The following QTMAN variants were observed in gnomAD, a reference collection of about 807,000 sequenced individuals.
The protein encoded by QTMAN is tRNA-queuosine alpha-mannosyltransferase.
At chr2:143,959,286 GAC>G in the QTMAN span, among the ~76,000 whole-genome samples, 2 of 151,814 alleles carry the variant, frequency 1.3e-5, no homozygotes, top group African/African-American at 4.8e-5. Context: ...CCATCAGTCT[GAC>G]ATTTTTTATA....
At chr2:144,273,856 C>T in the QTMAN span, among the ~76,000 whole-genome samples, 1 of 152,158 alleles carries the variant, frequency 6.6e-6, no homozygotes, top group African/African-American at 2.4e-5. Flanking sequence ...AAATATATGG[C>T]CGGGCGCGGT....
the QTMAN span, among the ~76,000 whole-genome samples, chr2:144,043,255 T>TGTG: frequency 1.5e-5 from 2 of 137,586 alleles, no homozygotes; most frequent in East Asian, 4.2e-4. Flanking sequence ...GTGTGTGTGT[T>TGTG]TAACCAAGTA....
the QTMAN span, among the ~76,000 whole-genome samples, chr2:144,058,912 G>A: frequency 1.3e-5 from 2 of 152,110 alleles, no homozygotes; most frequent in Non-Finnish European, 2.9e-5. Flanking sequence ...CAGACAATTA[G>A]TGCCTCATTT....
the QTMAN span, among the ~76,000 whole-genome samples, chr2:144,305,280 A>G: frequency 2.0e-5 from 3 of 152,212 alleles, no homozygotes; most frequent in African/African-American, 7.2e-5. Flanking sequence ...ATTTTAATAT[A>G]TAGTACATGA....
chr2:144,009,483 A>C, the QTMAN span, among the ~76,000 whole-genome samples: 1 of 152,146 alleles, frequency 6.6e-6, no homozygotes, highest in Non-Finnish European at 1.5e-5. Flanking sequence ...TACATTCCAG[A>C]ACCAGAAAGC....
chr2:143,975,595 T>A, the QTMAN span, among the ~76,000 whole-genome samples: 3 of 152,256 alleles, frequency 2.0e-5, no homozygotes, highest in African/African-American at 7.2e-5. Flanking sequence ...TCCATCTTCA[T>A]CTTCTTCCAG....
At chr2:144,053,028 T>C in the QTMAN span, among the ~76,000 whole-genome samples, 1 of 152,218 alleles carries the variant, frequency 6.6e-6, no homozygotes, top group Non-Finnish European at 1.5e-5. Context: ...TACATATCGA[T>C]GTCCAAACTG....
the QTMAN span, among the ~76,000 whole-genome samples, chr2:144,032,728 C>T: frequency 6.6e-6 from 1 of 152,180 alleles, no homozygotes; most frequent in Admixed American, 6.5e-5. Flanking sequence ...TTGGCAAAAA[C>T]ACAACATTGG....
chr2:143,970,363 C>T, the QTMAN span, among the ~76,000 whole-genome samples: 1 of 152,210 alleles, frequency 6.6e-6, no homozygotes, highest in African/African-American at 2.4e-5. Context: ...TACAAATTCC[C>T]ACTTTCCTTA....
At chr2:144,127,495 G>T in the QTMAN span, among the ~76,000 whole-genome samples, 1 of 152,020 alleles carries the variant, frequency 6.6e-6, no homozygotes, top group African/African-American at 2.4e-5. Flanking sequence ...GACAAAACAT[G>T]GTAGTGGTAT....
the QTMAN span, among the ~76,000 whole-genome samples, chr2:144,186,795 A>C: frequency 6.6e-6 from 1 of 152,168 alleles, no homozygotes; most frequent in African/African-American, 2.4e-5. Flanking sequence ...CAAATTTGCC[A>C]CATTAGGTTC....
the QTMAN span, among the ~76,000 whole-genome samples, chr2:144,210,586 GT>G: frequency 2.0e-5 from 3 of 152,122 alleles, no homozygotes; most frequent in African/African-American, 7.2e-5. Flanking sequence ...TGAGTAAGAG[GT>G]AAGTTCAGAG....
chr2:144,100,960 C>G, the QTMAN span, among the ~76,000 whole-genome samples: 13 of 149,898 alleles, frequency 8.7e-5, no homozygotes, highest in South Asian at 2.3e-3. Context: ...AGCTCCGCCT[C>G]CCGGGTTGAT....
the QTMAN span, among the ~76,000 whole-genome samples, chr2:144,238,454 C>A: frequency 6.6e-6 from 1 of 152,158 alleles, no homozygotes; most frequent in Admixed American, 6.5e-5. Flanking sequence ...CTTGGCACTT[C>A]TGCAAATTAA....
the QTMAN span, among the ~76,000 whole-genome samples, chr2:144,269,405 T>C: frequency 5.3e-5 from 8 of 152,162 alleles, no homozygotes; most frequent in African/African-American, 1.7e-4. Flanking sequence ...GCCAAAACTT[T>C]TGTCCTAATT....
At chr2:144,006,310 G>A in the QTMAN span, 1 of 152,026 alleles carries the variant, frequency 6.6e-6, no homozygotes, top group Non-Finnish European at 1.5e-5. Context: ...GTGCTGGAAG[G>A]CAAATCCTCG....
chr2:143,968,590 T>C, the QTMAN span, among the ~76,000 whole-genome samples: 1 of 152,192 alleles, frequency 6.6e-6, no homozygotes, highest in African/African-American at 2.4e-5. Context: ...GTCTTCTTTG[T>C]AGTGGTGGCC....
At chr2:144,197,357 A>G in the QTMAN span, among the ~76,000 whole-genome samples, 1 of 151,750 alleles carries the variant, frequency 6.6e-6, no homozygotes, top group African/African-American at 2.4e-5. Flanking sequence ...ATGTGTGTAT[A>G]TGTATATATG....
chr2:144,213,740 T>C, the QTMAN span, among the ~76,000 whole-genome samples: 6 of 152,206 alleles, frequency 3.9e-5, no homozygotes, highest in Non-Finnish European at 7.3e-5. Flanking sequence ...TTTACCTATA[T>C]GCAATATTTG....
Sources: allele counts gnomAD v4.1 joint callset (sites outside exome capture counted in the v4.1 genomes callset), GRCh38; gene constraint gnomAD v4.1.1; transcripts MANE v1.5; gene names NCBI Gene and HGNC (gene_info 2026-07-23, HGNC 2026-07-21).